ZFHX3: variants seen among roughly 807,000 people sequenced by gnomAD.
ZFHX3 encodes zinc finger homeobox protein 3.
Under a neutral mutation model 279.1 loss-of-function variants are expected in ZFHX3, and 42 were observed. That is an observed-to-expected ratio of 0.15 (90% confidence interval 0.12 to 0.19). The LOEUF (loss-of-function observed/expected upper bound fraction) is 0.19. Ranked by LOEUF, ZFHX3 falls within the 10% of genes least tolerant of loss-of-function variation. The pLI is 1.00. For missense variants in ZFHX3, 4,981 were observed against 4,754.0 expected, an observed-to-expected ratio of 1.05 and a Z score of -1.40; for synonymous variants, 2,293 against 1,957.8, an observed-to-expected ratio of 1.17 and a Z score of -4.52.
intron 4 of ZFHX3, among the ~76,000 whole-genome samples, chr16:72,835,476 C>T (rs1234801307): frequency 1.3e-5 from 2 of 152,078 alleles, no homozygotes; most frequent in South Asian, 2.1e-4. Flanking sequence ...TGAGGTTTAC[C>T]AGAAACAAGT....
intron 3 of ZFHX3, among the ~76,000 whole-genome samples, chr16:73,324,521 T>A (rs746962207): frequency 6.6e-6 from 1 of 152,156 alleles, no homozygotes; most frequent in Non-Finnish European, 1.5e-5. Flanking sequence ...ACTAAGTAAG[T>A]AAAGTGGCCC....
In ZFHX3 at chr16:73,140,641, AG is replaced by A. The variant is rs368033544; in HGVS notation, c.-1024+3110del. The stretch of plus-strand genomic sequence containing the variant: ...GAGGCCGAGGTGGGTGGATCACTTG[AG>A]GTCAGGAGTTCAAGACCAGCCTGGC... On this transcript the variant is annotated intron_variant, in intron 6 of 17. Coordinates refer to the ZFHX3 transcript ENST00000641206. 4.4e-4 allele frequency among the ~76,000 whole-genome samples: 67 copies of A among 152,352 alleles called. 2 individuals are homozygous for A. The highest frequency in any genetic ancestry group is 1.4e-3 in the Admixed American group (22 of 15,304).
chr16:72,843,064 A>G (rs2037382991), intron 4 of ZFHX3, among the ~76,000 whole-genome samples: 1 of 152,220 alleles, frequency 6.6e-6, no homozygotes, highest in Non-Finnish European at 1.5e-5. Context: ...ACATGAGGAC[A>G]GCAGATCTGG....
chr16:73,428,831 A>G (rs1206828314), intron 3 of ZFHX3, among the ~76,000 whole-genome samples: 1 of 152,150 alleles, frequency 6.6e-6, no homozygotes, highest in East Asian at 1.9e-4. Context: ...TTCTATAAGG[A>G]TCTGAAGACA....
chr16:73,624,394 C>G (rs2052396246), intron 2 of ZFHX3, among the ~76,000 whole-genome samples: 1 of 152,006 alleles, frequency 6.6e-6, no homozygotes, highest in South Asian at 2.1e-4. Context: ...CTGCCGTGTG[C>G]TAAGGCAATA....
At position 72,959,069 on chromosome 16, in the gene ZFHX3, G is replaced by A. The variant is rs367651837; in HGVS notation, c.1077C>T (p.Gly359=). 22 of 1,614,206 alleles carry A rather than the reference G, an allele frequency of 1.4e-5. No homozygotes were observed. In the African/African-American group the frequency reaches 2.4e-4, roughly 18 times the overall value. Residue 359 remains glycine, a synonymous_variant, in exon 2 of 10, where the codon GGC becomes GGT. Coordinates refer to ENST00000268489, the MANE Select transcript of ZFHX3 (RefSeq NM_006885.4). The part of the protein sequence containing the change: ...HPLVSTANLI[G]PGHSFYGKFS... The stretch of plus-strand genomic sequence containing the variant: ...ATTTACCATAAAAACTGTGTCCGGG[G>A]CCTATGAGGTTAGCTGTGGAAACTA...
At chr16:73,124,051 C>A (rs1288326917) in intron 7 of ZFHX3, among the ~76,000 whole-genome samples, 1 of 152,156 alleles carries the variant, frequency 6.6e-6, no homozygotes, top group Non-Finnish European at 1.5e-5. Flanking sequence ...ACCAACCAAC[C>A]AACCAACTAA....
At chr16:73,056,928 C>A (rs1965568746) in intron 1 of ZFHX3, among the ~76,000 whole-genome samples, 1 of 152,202 alleles carries the variant, frequency 6.6e-6, no homozygotes, top group African/African-American at 2.4e-5. Flanking sequence ...ATTGTCCCCA[C>A]TGAAAGGGCT....
At chr16:73,549,980 G>A (rs2020179087) in intron 2 of ZFHX3, among the ~76,000 whole-genome samples, 1 of 151,480 alleles carries the variant, frequency 6.6e-6, no homozygotes, top group South Asian at 2.1e-4. Context: ...CAGACTCTAT[G>A]TTTAGATAAA....
chr16:73,537,788 T>C (rs1187092000), intron 2 of ZFHX3, among the ~76,000 whole-genome samples: 1 of 152,214 alleles, frequency 6.6e-6, no homozygotes, highest in Non-Finnish European at 1.5e-5. Flanking sequence ...AATGCTTTTA[T>C]ACCTAACCAG....
rs1435586295 is a variant in ZFHX3, at chr16:72,796,991, C to T, written c.5691G>A (p.Glu1897=). Residue 1897 remains glutamate (E), a synonymous_variant, in exon 9 of 10, where the codon GAG becomes GAA. Transcript: ENST00000268489. ...KESQRERDSA[E]GGEGNTGPKE... is the part of the protein sequence containing the mutation. Reference sequence around the variant, plus strand: ...TCGGACCGGTGTTGCCCTCTCCCCCCTCGGCGCTGTCCCTCTCTCTCTGGC... The same window carrying T: ...TCGGACCGGTGTTGCCCTCTCCCCCTTCGGCGCTGTCCCTCTCTCTCTGGC... 2 of 1,613,930 alleles carry T rather than the reference C, an allele frequency of 1.2e-6. No individual in the cohort carries two copies. The highest frequency in any genetic ancestry group is 1.7e-6 in the Non-Finnish European group (2 of 1,180,008).
In ZFHX3 at chr16:73,800,178, C is replaced by T. The variant is rs369691676; in HGVS notation, c.-1608+91473G>A. ...ACATGTATTTATTAAGGACTGCCAC[C>T]GTGGCGCAAGACTGCTTTTTGTTGG... On this transcript the variant is annotated intron_variant, in intron 1 of 17. Coordinates refer to the ZFHX3 transcript ENST00000641206. Among the ~76,000 whole-genome samples, 18 of 151,980 alleles carry T rather than the reference C, an allele frequency of 1.2e-4. No homozygotes were observed. In the East Asian group the frequency reaches 1.9e-3, roughly 16 times the overall value.
At chr16:73,478,285 A>C (rs1031665754) in intron 2 of ZFHX3, among the ~76,000 whole-genome samples, 1 of 147,806 alleles carries the variant, frequency 6.8e-6, no homozygotes, top group African/African-American at 2.5e-5. Flanking sequence ...AAAAAAAAAA[A>C]GTCAGAATTA....
intron 1 of ZFHX3, among the ~76,000 whole-genome samples, chr16:73,872,521 C>CAGCCATGCCTGTTAAAACATGTT (rs2029864933): frequency 6.6e-6 from 1 of 151,960 alleles, no homozygotes; most frequent in Non-Finnish European, 1.5e-5. Context: ...AGGCATGAGC[C>CAGCCATGCCTGTTAAAACATGTT]ACTGCCAGGC....
At chr16:73,318,993 C>A (rs1455298252) in intron 3 of ZFHX3, among the ~76,000 whole-genome samples, 1 of 151,988 alleles carries the variant, frequency 6.6e-6, no homozygotes, top group Non-Finnish European at 1.5e-5. Flanking sequence ...TTGTCTGCAG[C>A]TGAGCCTGCG....
intron 5 of ZFHX3, among the ~76,000 whole-genome samples, chr16:73,182,681 A>G (rs1383402256): frequency 6.6e-6 from 1 of 152,226 alleles, no homozygotes; most frequent in East Asian, 1.9e-4. Flanking sequence ...AAATGTGTGT[A>G]TATACCATGG....
Position 72,788,465 on chromosome 16 carries a change from T to C in ZFHX3, c.9811A>G (p.Thr3271Ala). 6.2e-7 allele frequency: 1 copy of C among 1,614,180 alleles called. No homozygotes were observed. Among genetic ancestry groups the C allele is most frequent in the Non-Finnish European group, 8.5e-7 (1 of 1,180,018 alleles). The change falls in exon 10 of 10, where the codon ACG (threonine) becomes GCG (alanine). Residue 3271 changes from threonine (T) to alanine (A), a missense_variant. By Grantham distance (58) the Thr-to-Ala change is moderately conservative (BLOSUM62 0). Transcript: ENST00000268489. ...KGEAPTATAA[T>A]ISAPLPTMEY... is the part of the protein sequence containing the mutation. ...ATGGTGGGCAGCGGGGCTGAGATCG[T>C]GGCTGCAGTTGCCGTGGGGGCCTCT...
intron 5 of ZFHX3, among the ~76,000 whole-genome samples, chr16:73,176,124 C>T (rs1220343224): frequency 6.6e-6 from 1 of 152,182 alleles, no homozygotes; most frequent in Non-Finnish European, 1.5e-5. Flanking sequence ...ATGGAAAAAC[C>T]TCTAAACCAT....
At chr16:73,682,958 G>GA (rs557154466) in intron 1 of ZFHX3, among the ~76,000 whole-genome samples, 1,029 of 21,852 alleles carry the variant, frequency 0.047, 112 homozygotes, top group African/African-American at 0.13. Flanking sequence ...AAGAAAGAAA[G>GA]AAAGAAAGAA....
Sources: gnomAD v4.1 joint callset for allele counts (sites outside exome capture counted in the v4.1 genomes callset) on GRCh38, gnomAD v4.1.1 for gene constraint, MANE v1.5 for transcripts, NCBI Gene and HGNC (gene_info 2026-07-23, HGNC 2026-07-21) for gene names.